The following RHOU variants were observed in gnomAD, a reference collection of about 807,000 sequenced individuals.
RHOU encodes the protein ras homolog family member U, also known as rho-related GTP-binding protein RhoU.
A neutral mutation model predicts 12.6 loss-of-function variants in RHOU; 8 were observed. The observed-to-expected ratio is 0.64, with a 90% CI of 0.37 to 1.15. RHOU has a LOEUF of 1.15. Among genes scored for constraint, RHOU ranks in the 50% most tolerant of loss-of-function variants. The pLI, the probability that RHOU is intolerant of heterozygous loss-of-function variation, is 0.01. For missense variants in RHOU, 258 were observed against 347.0 expected, an observed-to-expected ratio of 0.74 and a Z score of 2.04; for synonymous variants, 161 against 147.4, an observed-to-expected ratio of 1.09 and a Z score of -0.67.
In RHOU at chr1:228,738,174, G is replaced by T. The variant is rs978388095; in HGVS notation, c.321+443G>T. On this transcript the variant is annotated intron_variant, in intron 2 of 2. Coordinates refer to ENST00000366691, the MANE Select transcript of RHOU (RefSeq NM_021205.6). The surrounding 1 kb of genome is among the most constrained non-coding windows in gnomAD (Gnocchi z 4.2). Reference sequence around the variant, plus strand: ...AAAGATGGAATTTACATCAGTAAGGGTTAATATTTCCCTTCCTGAGCTATG... The same window carrying T: ...AAAGATGGAATTTACATCAGTAAGGTTTAATATTTCCCTTCCTGAGCTATG... 3.3e-5 allele frequency among the ~76,000 whole-genome samples: 5 copies of T among 152,174 alleles called. No individual in the cohort carries two copies. Among genetic ancestry groups the T allele is most frequent in the South Asian group, 2.1e-4 (1 of 4,832 alleles).
At chr1:228,690,720 C>T in the RHOU span, among the ~76,000 whole-genome samples, 2 of 152,086 alleles carry the variant, frequency 1.3e-5, no homozygotes, top group Admixed American at 1.3e-4. Flanking sequence ...TGATTTCAAG[C>T]GATTCTTCTG....
chr1:228,736,062 G>A lies in RHOU; in HGVS notation c.262+58G>A, dbSNP rs935754637. The A allele has an allele frequency of 4.2e-5, 64 of 1,525,756 alleles. No homozygotes were observed. The African/African-American group carries it at 9.0e-4, about 21-fold the overall frequency. 94.5% of individuals were successfully genotyped at this position (1,525,756 alleles called of 1,614,324 possible). ...CGTGGCCGCGGTCCACCCAGGGGAA[G>A]GAAGGTGGCGCGAGGGTCGCGAGGT... On this transcript the variant is annotated intron_variant, in intron 1 of 2. Transcript: ENST00000366691.
At chr1:228,714,740 CTTTTTT>C in the RHOU span, among the ~76,000 whole-genome samples, 1 of 83,686 alleles carries the variant, frequency 1.2e-5, no homozygotes, top group Non-Finnish European at 2.2e-5. Flanking sequence ...TGTTAATTAT[CTTTTTT>C]TTTTTTTTTT....
At chr1:228,736,136 G>A in intron 1 of RHOU, 132 bp downstream of exon 1, 1 of 868,102 alleles carries the variant, frequency 1.2e-6, no homozygotes, top group Admixed American at 3.3e-5. Flanking sequence ...TGGGAAGCCG[G>A]ACAAATGAGG....
chr1:228,700,250 G>A, the RHOU span, among the ~76,000 whole-genome samples: 2 of 152,200 alleles, frequency 1.3e-5, no homozygotes, highest in African/African-American at 4.8e-5. Flanking sequence ...CTTGAACAAT[G>A]GAGTTCATTT....
chr1:228,646,985 A>C, the RHOU span, among the ~76,000 whole-genome samples: 1 of 151,772 alleles, frequency 6.6e-6, no homozygotes, highest in African/African-American at 2.4e-5. Flanking sequence ...AGAGGTACAG[A>C]GGGAAGGCTA....
the RHOU span, among the ~76,000 whole-genome samples, chr1:228,707,265 T>TATATATATATATATATATATA: frequency 1.4e-4 from 15 of 104,406 alleles, no homozygotes; most frequent in African/African-American, 7.0e-4. Flanking sequence ...AGTGTGTGTG[T>TATATATATATATATATATATA]GTGTGTGTGT....
At chr1:228,713,054 A>G in the RHOU span, among the ~76,000 whole-genome samples, 1 of 151,678 alleles carries the variant, frequency 6.6e-6, no homozygotes, top group African/African-American at 2.4e-5. Flanking sequence ...TTTAAGGTAC[A>G]TATTTGGTGT....
the RHOU span, among the ~76,000 whole-genome samples, chr1:228,659,503 G>A: frequency 7.1e-6 from 1 of 141,534 alleles, no homozygotes; most frequent in South Asian, 2.3e-4. Context: ...AGGAAATAAA[G>A]ATTATTTCAG....
upstream of RHOU, among the ~76,000 whole-genome samples, chr1:228,732,961 A>G (rs369460725): frequency 3.3e-5 from 5 of 152,378 alleles, 1 homozygote; most frequent in East Asian, 9.6e-4. Context: ...ATAAGACATG[A>G]CATTTTAATA....
chr1:228,681,735 A>C, the RHOU span, among the ~76,000 whole-genome samples: 2 of 152,150 alleles, frequency 1.3e-5, no homozygotes, highest in Non-Finnish European at 2.9e-5. Flanking sequence ...TAGGTCAGGC[A>C]AGAGGTGAAG....
chr1:228,687,761 C>A, the RHOU span: 2 of 1,394,046 alleles, frequency 1.4e-6, no homozygotes, highest in Non-Finnish European at 2.0e-6. Flanking sequence ...TGGGAGCGCC[C>A]GAATCTGGCT....
intron 2 of RHOU, among the ~76,000 whole-genome samples, chr1:228,742,404 T>C (rs1437289495): frequency 2.0e-5 from 3 of 152,166 alleles, no homozygotes; most frequent in African/African-American, 7.2e-5. Context: ...CAACCGTTGG[T>C]TTATTTGTAA....
At chr1:228,648,516 C>G in the RHOU span, among the ~76,000 whole-genome samples, 9 of 152,264 alleles carry the variant, frequency 5.9e-5, no homozygotes, top group South Asian at 1.9e-3. Context: ...GTTTTGGATC[C>G]CTTGCTGCCC....
the RHOU span, among the ~76,000 whole-genome samples, chr1:228,654,390 A>G: frequency 6.6e-6 from 1 of 152,206 alleles, no homozygotes; most frequent in Non-Finnish European, 1.5e-5. Context: ...TACAGCTGTG[A>G]ACCACAATAT....
rs1213000496 is a variant in RHOU at position 228,737,952 on chromosome 1, C to T, written c.321+221C>T. ...CCAAACTAATAAAGCAGGGTTTGGC[C>T]CAGCTCTGCGTAACCAGGCAAGGGA... On this transcript the variant is annotated intron_variant, in intron 2 of 2. Transcript: ENST00000366691. The surrounding 1 kb of genome is among the most constrained non-coding windows in gnomAD (Gnocchi z 4.1). Among the ~76,000 whole-genome samples, 1 of 152,108 alleles carries T rather than the reference C, an allele frequency of 6.6e-6. No individual in the cohort carries two copies. Among genetic ancestry groups the T allele is most frequent in the Non-Finnish European group, 1.5e-5 (1 of 68,012 alleles).
At chr1:228,647,056 C>T in the RHOU span, among the ~76,000 whole-genome samples, 1 of 152,096 alleles carries the variant, frequency 6.6e-6, no homozygotes, top group Admixed American at 6.5e-5. Context: ...AGCTAGAGAG[C>T]GAGAACGTTT....
the RHOU span, among the ~76,000 whole-genome samples, chr1:228,667,883 A>G: frequency 6.6e-6 from 1 of 152,232 alleles, no homozygotes; most frequent in Admixed American, 6.5e-5. Flanking sequence ...TCTTTGGTCC[A>G]GGTTCCTGGC....
chr1:228,688,148 G>T, the RHOU span, among the ~76,000 whole-genome samples: 1 of 152,170 alleles, frequency 6.6e-6, no homozygotes, highest in Non-Finnish European at 1.5e-5. Flanking sequence ...AACAGTACAT[G>T]CTCCATGAAG....
Sources: allele counts gnomAD v4.1 joint callset (sites outside exome capture counted in the v4.1 genomes callset), GRCh38; gene constraint gnomAD v4.1.1; non-coding constraint Gnocchi (gnomAD v3.1); transcripts MANE v1.5; gene names NCBI Gene and HGNC (gene_info 2026-07-23, HGNC 2026-07-21).